The following CFAP70 variants were observed in gnomAD, a reference collection of about 807,000 sequenced individuals.
CFAP70 encodes the protein cilia and flagella associated protein 70, also known as cilia- and flagella-associated protein 70.
Under a neutral mutation model 137.6 loss-of-function variants are expected in CFAP70, and 81 were observed. The observed-to-expected ratio is 0.59, with a 90% CI of 0.49 to 0.71. The LOEUF is 0.71. Among genes scored for constraint, CFAP70 ranks in the 30% least tolerant of loss-of-function variants. The pLI is 0.00. For synonymous variants in CFAP70, 382 were observed against 423.6 expected (o/e 0.90, Z 1.20); for missense variants, 976 against 1,226.7 (o/e 0.80, Z 3.05).
At chr10:73,308,311 A>AAC (rs2049574469) in intron 12 of CFAP70, among the ~76,000 whole-genome samples, 1 of 152,124 alleles carries the variant, frequency 6.6e-6, no homozygotes, top group South Asian at 2.1e-4. Context: ...CAGGCCACAA[A>AAC]ACAAGGATCA....
chr10:73,314,726 G>C (rs1446692881), intron 9 of CFAP70, among the ~76,000 whole-genome samples: 1 of 152,010 alleles, frequency 6.6e-6, no homozygotes, highest in Non-Finnish European at 1.5e-5. Flanking sequence ...GCTCACCTCA[G>C]CCTCCTGAGT....
chr10:73,273,158 C>T, intron 23 of CFAP70, 141 bp from the exon 25 acceptor site: 1 of 689,514 alleles, frequency 1.5e-6, no homozygotes, highest in South Asian at 1.7e-5. Flanking sequence ...TGACGTCTAC[C>T]TTAAGGGAGT....
chr10:73,309,413 T>C (rs570018364), intron 12 of CFAP70, among the ~76,000 whole-genome samples: 1 of 152,170 alleles, frequency 6.6e-6, no homozygotes. Context: ...TCCAGAAGGA[T>C]AACAACACCA....
intron 5 of CFAP70, among the ~76,000 whole-genome samples, chr10:73,344,858 A>G (rs1173976837): frequency 6.6e-6 from 1 of 151,956 alleles, no homozygotes; most frequent in Non-Finnish European, 1.5e-5. Flanking sequence ...TATATAAATT[A>G]TATTTAATGC....
intron 7 of CFAP70, among the ~76,000 whole-genome samples, chr10:73,335,069 T>C (rs1589531519): frequency 6.7e-6 from 1 of 149,296 alleles, no homozygotes. Flanking sequence ...TCTTTTTTTT[T>C]TTTTTTTTTT....
intron 25 of CFAP70, among the ~76,000 whole-genome samples, chr10:73,264,145 C>T (rs1703489117): frequency 1.3e-5 from 2 of 152,126 alleles, no homozygotes; most frequent in Non-Finnish European, 1.5e-5. Context: ...TTTTTACTTT[C>T]TGACTCAACA....
intron 24 of CFAP70, among the ~76,000 whole-genome samples, chr10:73,270,381 TTTTCC>T (rs1032801231): frequency 1.3e-5 from 2 of 151,898 alleles, no homozygotes; most frequent in Admixed American, 6.6e-5. Flanking sequence ...GTAGCTCTTT[TTTTCC>T]TTTCTTTTTT....
chr10:73,275,543 C>T lies in CFAP70; in HGVS notation c.2576G>A (p.Cys859Tyr), dbSNP rs1166411191. 3.1e-6 allele frequency: 5 copies of T among 1,611,462 alleles called. No homozygotes were observed. The highest frequency in any genetic ancestry group is 2.2e-5 in the East Asian group (1 of 44,560). ...TTGGGCCAGCACCAAGTAATATTCA[C>T]AGCTGGGGCCTCCTTGAGGGCATAA... Residue 859 changes from cysteine (C) to tyrosine (Y), a missense_variant, in exon 22 of 27, where the codon TGT (cysteine) becomes TAT (tyrosine). Coordinates refer to ENST00000310715, the Ensembl canonical transcript of CFAP70. The surrounding 1 kb of genome is among the most constrained non-coding windows in gnomAD (Gnocchi z 4.0).
intron 6 of CFAP70, among the ~76,000 whole-genome samples, chr10:73,340,538 T>G (rs916921843): frequency 3.9e-5 from 6 of 152,212 alleles, no homozygotes; most frequent in Non-Finnish European, 8.8e-5. Context: ...CACCTGCCCC[T>G]TTTTGCCCAG....
intron 8 of CFAP70, among the ~76,000 whole-genome samples, chr10:73,330,927 A>C (rs1306628315): frequency 2.6e-5 from 4 of 152,182 alleles, no homozygotes; most frequent in Non-Finnish European, 1.5e-5. Context: ...AAGCCTAGAG[A>C]GTCTTTAGTG....
At chr10:73,333,510 G>A (rs1319453161) in intron 7 of CFAP70, among the ~76,000 whole-genome samples, 1 of 151,678 alleles carries the variant, frequency 6.6e-6, no homozygotes, top group Non-Finnish European at 1.5e-5. Flanking sequence ...AAAAACCAGA[G>A]GAAAAACACT....
intron 12 of CFAP70, among the ~76,000 whole-genome samples, chr10:73,307,960 C>G (rs2049531493): frequency 1.4e-5 from 2 of 140,626 alleles, no homozygotes; most frequent in African/African-American, 5.3e-5. Flanking sequence ...GCCTGGGCAA[C>G]ACAGTGAAAC....
intron 8 of CFAP70, among the ~76,000 whole-genome samples, chr10:73,330,574 A>G (rs944443640): frequency 2.0e-5 from 3 of 152,004 alleles, no homozygotes; most frequent in African/African-American, 7.2e-5. Context: ...TATTTTTATT[A>G]TGCAAAAAGC....
At chr10:73,327,326 T>C (rs958827483) in intron 8 of CFAP70, among the ~76,000 whole-genome samples, 4 of 149,898 alleles carry the variant, frequency 2.7e-5, no homozygotes, top group Non-Finnish European at 4.4e-5. Flanking sequence ...TAGGTATTGA[T>C]GGGACGTATC....
chr10:73,284,805 A>T lies in CFAP70; in HGVS notation c.2239+6421T>A, dbSNP rs1418693248. Among the ~76,000 whole-genome samples, 50 of 77,870 alleles carry T rather than the reference A, an allele frequency of 6.4e-4. 1 individual carries two copies. Among genetic ancestry groups the T allele is most frequent in the East Asian group, 1.7e-3 (4 of 2,346 alleles). 51.1% of individuals were successfully genotyped at this position (77,870 alleles called of 152,430 possible). A position where few individuals can be genotyped will look rare whatever the true frequency, so the allele number is the denominator to read the frequency against. On this transcript the variant is annotated intron_variant, in intron 19 of 26. Coordinates refer to ENST00000310715, the Ensembl canonical transcript of CFAP70. ...ATATATATATATATATATATATATA[A>T]AAGTTGTTTTGGGACACAGTCACAT...
exon 2 of CFAP70, chr10:73,354,746 C>T (rs773206040): frequency 8.7e-6 from 14 of 1,613,972 alleles, no homozygotes; most frequent in Non-Finnish European, 1.2e-5. Context: ...AATCATATCC[C>T]TCTGTCACGG....
At chr10:73,328,297 T>C (rs1289499767) in intron 8 of CFAP70, among the ~76,000 whole-genome samples, 1 of 151,984 alleles carries the variant, frequency 6.6e-6, no homozygotes, top group Admixed American at 6.5e-5. Context: ...TGGAGAAAGC[T>C]GAAACTGGAT....
intron 9 of CFAP70, among the ~76,000 whole-genome samples, chr10:73,314,477 G>A (rs1276240568): frequency 6.6e-6 from 1 of 152,144 alleles, no homozygotes; most frequent in African/African-American, 2.4e-5. Context: ...TCTATAATAA[G>A]AGTATTTCAT....
chr10:73,302,644 T>G (rs1640857742), intron 12 of CFAP70, among the ~76,000 whole-genome samples: 1 of 146,152 alleles, frequency 6.8e-6, no homozygotes, highest in Non-Finnish European at 1.5e-5. Flanking sequence ...ATCAAGCTTT[T>G]TTTATTTCAG....
Sources: gnomAD v4.1 joint callset for allele counts (sites outside exome capture counted in the v4.1 genomes callset) on GRCh38, gnomAD v4.1.1 for gene constraint, Gnocchi (gnomAD v3.1) non-coding constraint, MANE v1.5 for transcripts, NCBI Gene and HGNC (gene_info 2026-07-23, HGNC 2026-07-21) for gene names.